ANO2: variants seen among roughly 807,000 people sequenced by gnomAD.
The protein encoded by ANO2 is anoctamin-2.
ANO2 carries 101 observed loss-of-function variants against 124.2 expected under a neutral mutation model. The observed-to-expected ratio is 0.81, with a 90% CI of 0.69 to 0.96. The LOEUF is 0.96. Among genes scored for constraint, ANO2 ranks in the 40% least tolerant of loss-of-function variants. ANO2 has a pLI of 0.00. For synonymous variants in ANO2, 486 were observed against 482.5 expected, an observed-to-expected ratio of 1.01 and a Z score of -0.09; for missense variants, 1,293 against 1,274.5, an observed-to-expected ratio of 1.01 and a Z score of -0.22.
In ANO2 at chr12:5,887,284, T is replaced by C. The variant is rs866717942; in HGVS notation, c.535-33143A>G. On this transcript the variant is annotated intron_variant, in intron 3 of 24. Transcript: ENST00000682330. ...CAATGAAATGTAATGATGGGTTCAC[T>C]GAAATATAGGAAAGTGAAAGTTAAA... Among the ~76,000 whole-genome samples the C allele has an allele frequency of 2.2e-4, 34 of 152,304 alleles. No homozygotes were observed. In the Middle Eastern group the frequency reaches 0.01, roughly 46 times the overall value.
intron 7 of ANO2, 117 bp from the exon 8 acceptor site, chr12:5,807,485 T>G (rs912504619): frequency 5.3e-6 from 4 of 755,244 alleles, no homozygotes; most frequent in Non-Finnish European, 8.4e-6. Flanking sequence ...CACTGCATCC[T>G]CCTCTATATC....
chr12:5,714,863 A>C (rs192900448), intron 14 of ANO2, among the ~76,000 whole-genome samples: 1 of 152,324 alleles, frequency 6.6e-6, no homozygotes, highest in East Asian at 1.9e-4. Flanking sequence ...ACACATTCCA[A>C]ATTCAAAGAG....
chr12:5,827,688 G>C (rs934742723), intron 7 of ANO2, 81 bp downstream of exon 7: 5 of 1,477,728 alleles, frequency 3.4e-6, no homozygotes, highest in East Asian at 2.4e-5. Context: ...CTTTGCTGCC[G>C]ACCAAGGGAG....
intron 3 of ANO2, among the ~76,000 whole-genome samples, chr12:5,886,957 G>T (rs1938958150): frequency 6.6e-6 from 1 of 152,204 alleles, no homozygotes; most frequent in South Asian, 2.1e-4. Flanking sequence ...ATTAGTGTGT[G>T]ACGGGTACAG....
intron 13 of ANO2, among the ~76,000 whole-genome samples, chr12:5,736,533 AC>A (rs1484657034): frequency 3.9e-5 from 6 of 151,984 alleles, no homozygotes; most frequent in Non-Finnish European, 8.8e-5. Context: ...GCTTTCAAGG[AC>A]CCCTGCCTCC....
At chr12:5,732,439 T>C in intron 14 of ANO2, 81 bp downstream of exon 14, 1 of 1,233,606 alleles carries the variant, frequency 8.1e-7, no homozygotes, top group Non-Finnish European at 1.1e-6. Context: ...CCAGTCTCCC[T>C]TCACTAAGGC....
At chr12:5,825,487 C>T (rs1953927128) in intron 7 of ANO2, among the ~76,000 whole-genome samples, 1 of 152,166 alleles carries the variant, frequency 6.6e-6, no homozygotes, top group East Asian at 1.9e-4. Context: ...GCTTCCTGTT[C>T]CCACAGCATT....
At chr12:5,762,923 T>C (rs1441391619) in intron 10 of ANO2, among the ~76,000 whole-genome samples, 7 of 151,970 alleles carry the variant, frequency 4.6e-5, no homozygotes, top group Non-Finnish European at 7.4e-5. Context: ...ATTAGGTCTT[T>C]AATTAAGAAA....
At chr12:5,843,169 C>A (rs187548995) in intron 4 of ANO2, among the ~76,000 whole-genome samples, 73 of 152,260 alleles carry the variant, frequency 4.8e-4, no homozygotes, top group African/African-American at 1.8e-3. Context: ...ATAATAATAA[C>A]AAGAATCTGT....
intron 14 of ANO2, among the ~76,000 whole-genome samples, chr12:5,664,422 T>C (rs1947602304): frequency 6.6e-6 from 1 of 152,228 alleles, no homozygotes; most frequent in Non-Finnish European, 1.5e-5. Flanking sequence ...CATGCATCCA[T>C]CCATTTCTTA....
At chr12:5,637,285 A>G (rs1318405481) in intron 15 of ANO2, among the ~76,000 whole-genome samples, 2 of 151,806 alleles carry the variant, frequency 1.3e-5, no homozygotes, top group African/African-American at 4.8e-5. Flanking sequence ...AGTGAAGACC[A>G]GTGATGAAAG....
At chr12:5,703,443 G>A (rs573762241) in intron 14 of ANO2, among the ~76,000 whole-genome samples, 3 of 152,262 alleles carry the variant, frequency 2.0e-5, no homozygotes, top group Admixed American at 1.3e-4. Context: ...TATTTGTAAC[G>A]GCATTTTTCT....
chr12:5,651,758 C>T (rs907604867), intron 14 of ANO2, among the ~76,000 whole-genome samples: 1 of 152,176 alleles, frequency 6.6e-6, no homozygotes, highest in African/African-American at 2.4e-5. Context: ...ATCACCTCCC[C>T]CAATCCCCAG....
chr12:5,685,751 T>G (rs1423853849), intron 14 of ANO2, among the ~76,000 whole-genome samples: 1 of 152,146 alleles, frequency 6.6e-6, no homozygotes, highest in Non-Finnish European at 1.5e-5. Context: ...CACTCCAGCC[T>G]GGGCAACAAA....
At chr12:5,815,638 G>C (rs948861563) in intron 7 of ANO2, among the ~76,000 whole-genome samples, 15 of 152,068 alleles carry the variant, frequency 9.9e-5, no homozygotes, top group Non-Finnish European at 2.2e-4. Flanking sequence ...CTTTCACTTT[G>C]GTTCAAGGTT....
intron 3 of ANO2, among the ~76,000 whole-genome samples, chr12:5,861,030 G>A (rs1347456723): frequency 6.6e-6 from 1 of 152,156 alleles, no homozygotes; most frequent in African/African-American, 2.4e-5. Flanking sequence ...TCAAGGCAGG[G>A]CCAGCTTAGG....
Position 5,922,600 on chromosome 12 carries a change from C to CCCCCCCCCCCCCG in ANO2, c.207+19_207+20insCGGGGGGGGGGGG. On this transcript the variant is annotated intron_variant, in intron 2 of 24. Coordinates refer to ENST00000682330, the MANE Select transcript of ANO2 (RefSeq NM_001364791.2). ...ACAGGGCTGGCCTATCCCCCCACCC[C>CCCCCCCCCCCCCG]ACCCCCGCCCAGTACTCACAGAGCT... 1 of 1,509,296 alleles carries CCCCCCCCCCCCCG rather than the reference C, an allele frequency of 6.6e-7. No individual in the cohort carries two copies. The highest frequency in any genetic ancestry group is 8.8e-7 in the Non-Finnish European group (1 of 1,129,996). 93.5% of individuals were successfully genotyped at this position (1,509,296 alleles called of 1,614,324 possible).
chr12:5,652,146 T>C (rs1418056485), intron 14 of ANO2, among the ~76,000 whole-genome samples: 1 of 152,260 alleles, frequency 6.6e-6, no homozygotes, highest in Non-Finnish European at 1.5e-5. Context: ...ATAGGGTAAG[T>C]ATATGTTTGA....
rs760030894 is a variant in ANO2, at chr12:5,921,124, G to A, written c.450C>T (p.Ala150=). 14 of 1,613,762 alleles carry A rather than the reference G, an allele frequency of 8.7e-6. No homozygotes were observed. The South Asian group carries it at 1.5e-4, about 18-fold the overall frequency. Reference sequence around the variant, plus strand: ...GCTGCTCCTTCCTCTCCTCCTCCAGGGCATCGAGCGGTCCCAGCTCAATGT... The same window carrying A: ...GCTGCTCCTTCCTCTCCTCCTCCAGAGCATCGAGCGGTCCCAGCTCAATGT... ...PGDIELGPLD[A]LEEERKEQRE... is the part of the protein sequence containing the mutation. Residue 150 remains alanine (A), a synonymous_variant, in exon 3 of 25, where the codon GCC becomes GCT. Coordinates refer to ENST00000682330, the MANE Select transcript of ANO2 (RefSeq NM_001364791.2).
Sources: gnomAD v4.1 joint callset for allele counts (sites outside exome capture counted in the v4.1 genomes callset) on GRCh38, gnomAD v4.1.1 for gene constraint, MANE v1.5 for transcripts, NCBI Gene and HGNC (gene_info 2026-07-23, HGNC 2026-07-21) for gene names.